CFDP1: variants seen among roughly 807,000 people sequenced by gnomAD.
CFDP1 encodes the protein heterochromatin-stabilizing protein CFDP1.
In CFDP1, 31 loss-of-function variants were observed where a neutral mutation model predicts 40.1. The ratio of observed to expected loss-of-function variants is 0.77; its 90% CI spans 0.58 to 1.04. The LOEUF is 1.04. Ranked by LOEUF, CFDP1 falls within the 50% of genes least tolerant of loss-of-function variation. The pLI, the probability that CFDP1 is intolerant of heterozygous loss-of-function variation, is 0.00. For synonymous variants in CFDP1, 167 were observed against 120.0 expected, an observed-to-expected ratio of 1.39 and a Z score of -2.56; for missense variants, 423 against 343.4, an observed-to-expected ratio of 1.23 and a Z score of -1.83.
chr16:75,416,476 A>G (rs2079206887), intron 1 of CFDP1, among the ~76,000 whole-genome samples: 3 of 151,890 alleles, frequency 2.0e-5, no homozygotes. Context: ...AAAAAAAAAA[A>G]AAAAGGTAAA....
chr16:75,406,858 T>C (rs1164867017), intron 4 of CFDP1, among the ~76,000 whole-genome samples: 1 of 151,690 alleles, frequency 6.6e-6, no homozygotes, highest in Non-Finnish European at 1.5e-5. Context: ...CCATCTCTAC[T>C]AAAAATACAA....
chr16:75,344,520 C>T (rs986942857), intron 5 of CFDP1, among the ~76,000 whole-genome samples: 1 of 152,032 alleles, frequency 6.6e-6, no homozygotes, highest in African/African-American at 2.4e-5. Context: ...TTATAGTAGG[C>T]GTGTATTCAC....
intron 5 of CFDP1, among the ~76,000 whole-genome samples, chr16:75,356,340 T>C (rs561727510): frequency 6.6e-6 from 1 of 152,316 alleles, no homozygotes; most frequent in South Asian, 2.1e-4. Context: ...AACACAACAT[T>C]AATCTTCTTG....
intron 5 of CFDP1, among the ~76,000 whole-genome samples, chr16:75,346,366 G>A (rs1027548426): frequency 7.9e-5 from 12 of 152,036 alleles, no homozygotes; most frequent in Admixed American, 7.2e-4. Flanking sequence ...GGTGGATCAC[G>A]AGGTCAGGAG....
rs557894118 is a variant in CFDP1, at chr16:75,351,493, A to G, written c.650+43597T>C. On this transcript the variant is annotated intron_variant, in intron 5 of 6. Transcript: ENST00000283882. ...ATTAAGGTCACTATCAAAATAACTA[A>G]CTAATTTGAAGAACTTATTTGTCAA... 2.6e-5 allele frequency among the ~76,000 whole-genome samples: 4 copies of G among 152,330 alleles called. No individual in the cohort carries two copies. The South Asian group carries it at 8.3e-4, about 32-fold the overall frequency.
In CFDP1 at chr16:75,310,458, TTTTTC is replaced by T. The variant is rs369921849; in HGVS notation, c.651-5281_651-5277del. Among the ~76,000 whole-genome samples the T allele has an allele frequency of 6.5e-3, 986 of 152,350 alleles. 9 individuals are homozygous for T. Among genetic ancestry groups the T allele is most frequent in the Middle Eastern group, 0.017 (5 of 294 alleles). ...ACAGAATGTAAAATGACAAGTCATCTTTTTCTTTTCTAGGTTCAAAGTTTATAATG... is the reference window on the plus strand; with the variant it reads ...ACAGAATGTAAAATGACAAGTCATCTTTTTCTAGGTTCAAAGTTTATAATG... On this transcript the variant is annotated intron_variant, in intron 5 of 6. Coordinates refer to ENST00000283882, the MANE Select transcript of CFDP1 (RefSeq NM_006324.3).
At chr16:75,390,201 T>C (rs2078935474) in intron 5 of CFDP1, among the ~76,000 whole-genome samples, 1 of 152,204 alleles carries the variant, frequency 6.6e-6, no homozygotes, top group Non-Finnish European at 1.5e-5. Flanking sequence ...CTAGATTCCC[T>C]CTATACCCTT....
At chr16:75,368,535 C>T (rs1396026305) in intron 5 of CFDP1, among the ~76,000 whole-genome samples, 8 of 152,042 alleles carry the variant, frequency 5.3e-5, no homozygotes, top group Non-Finnish European at 1.2e-4. Context: ...AATGTCTACC[C>T]GCAAAGATTT....
At chr16:75,432,234 C>G (rs1459997737) in intron 1 of CFDP1, among the ~76,000 whole-genome samples, 1 of 149,870 alleles carries the variant, frequency 6.7e-6, no homozygotes, top group African/African-American at 2.4e-5. Flanking sequence ...TTCAACGTGC[C>G]TTTTAGAAAT....
chr16:75,432,714 G>A (rs1363484581), intron 1 of CFDP1, among the ~76,000 whole-genome samples: 2 of 152,158 alleles, frequency 1.3e-5, no homozygotes, highest in Non-Finnish European at 2.9e-5. Flanking sequence ...ACCAAGAAGG[G>A]GGAACAGAAA....
At position 75,309,819 on chromosome 16, in the gene CFDP1, C is replaced by CAAAAAA. The variant is rs1156624164; in HGVS notation, c.651-4643_651-4638dup. 2.8e-4 allele frequency among the ~76,000 whole-genome samples: 13 copies of CAAAAAA among 46,468 alleles called. 1 individual carries two copies. Among genetic ancestry groups the CAAAAAA allele is most frequent in the African/African-American group, 4.9e-4 (5 of 10,246 alleles). The allele number at this position is 46,468 out of a possible 152,430, so 30.5% of individuals were successfully genotyped here. On this transcript the variant is annotated intron_variant, in intron 5 of 6. Coordinates refer to ENST00000283882, the MANE Select transcript of CFDP1 (RefSeq NM_006324.3). ...TGGGTGACAGAGTGAGACTCCATCTCAAAAAAAAAAAAAAAAAAAAAAAAA... is the reference window on the plus strand; with the variant it reads ...TGGGTGACAGAGTGAGACTCCATCTCAAAAAAAAAAAAAAAAAAAAAAAAAAAAAAA...
intron 1 of CFDP1, among the ~76,000 whole-genome samples, chr16:75,423,502 C>T (rs1042995666): frequency 1.3e-5 from 2 of 151,724 alleles, no homozygotes; most frequent in South Asian, 2.1e-4. Flanking sequence ...GGTTTCACCA[C>T]GTTGGCGAGG....
intron 5 of CFDP1, among the ~76,000 whole-genome samples, chr16:75,321,484 A>C (rs1193605969): frequency 6.6e-6 from 1 of 152,178 alleles, no homozygotes; most frequent in Non-Finnish European, 1.5e-5. Context: ...TTTCTGCCTC[A>C]ACAGATTTAC....
At chr16:75,317,573 A>C (rs2078331990) in intron 5 of CFDP1, among the ~76,000 whole-genome samples, 1 of 152,230 alleles carries the variant, frequency 6.6e-6, no homozygotes, top group Non-Finnish European at 1.5e-5. Context: ...GATTAGACAC[A>C]GCTGGGGAGA....
intron 5 of CFDP1, among the ~76,000 whole-genome samples, chr16:75,312,399 G>C (rs1442102191): frequency 6.6e-6 from 1 of 152,098 alleles, no homozygotes; most frequent in Non-Finnish European, 1.5e-5. Flanking sequence ...GTTGATAACA[G>C]TGCCAGCAAA....
chr16:75,364,206 AT>A (rs2078698886), intron 5 of CFDP1, among the ~76,000 whole-genome samples: 1 of 152,216 alleles, frequency 6.6e-6, no homozygotes, highest in East Asian at 1.9e-4. Context: ...TAAGGGCTTT[AT>A]TTAACAATTC....
At chr16:75,412,510 T>G (rs2079171693) in intron 3 of CFDP1, 25 bp downstream of exon 3, 1 of 1,564,390 alleles carries the variant, frequency 6.4e-7, no homozygotes, top group Non-Finnish European at 8.8e-7. Flanking sequence ...GGAGAGGCAT[T>G]CACCTCACTA....
chr16:75,420,319 T>C (rs1488998520), intron 1 of CFDP1, among the ~76,000 whole-genome samples: 2 of 152,128 alleles, frequency 1.3e-5, no homozygotes, highest in Non-Finnish European at 2.9e-5. Flanking sequence ...TATTCAAACA[T>C]CAGATGTCCA....
At chr16:75,433,140 G>A (rs1755154639) in intron 1 of CFDP1, 149 bp downstream of exon 1, 6 of 710,052 alleles carry the variant, frequency 8.5e-6, no homozygotes, top group Admixed American at 5.5e-5. Context: ...AGCGGCCGAG[G>A]ATGAGGGGCC....
Sources: gnomAD v4.1 joint callset for allele counts (sites outside exome capture counted in the v4.1 genomes callset) on GRCh38, gnomAD v4.1.1 for gene constraint, MANE v1.5 for transcripts, NCBI Gene and HGNC (gene_info 2026-07-23, HGNC 2026-07-21) for gene names.